NOTCH2: variants seen among roughly 807,000 people sequenced by gnomAD.
NOTCH2 encodes notch receptor 2.
A neutral mutation model predicts 235.8 loss-of-function variants in NOTCH2; 29 were observed. That is an observed-to-expected ratio of 0.12 (90% CI 0.09 to 0.17). The LOEUF is 0.17. Ranked by LOEUF, NOTCH2 falls within the 10% of genes least tolerant of loss-of-function variation. The pLI, the probability that NOTCH2 is intolerant of heterozygous loss-of-function variation, is 1.00. For synonymous variants in NOTCH2, 1,086 were observed against 1,141.5 expected (o/e 0.95, Z 0.98); for missense variants, 2,285 against 3,150.2 (o/e 0.73, Z 6.57).
intron 22 of NOTCH2, among the ~76,000 whole-genome samples, chr1:119,933,033 A>G (rs1649723274): frequency 6.6e-6 from 1 of 152,254 alleles, no homozygotes; most frequent in Non-Finnish European, 1.5e-5. Flanking sequence ...CAAAAAAGTA[A>G]AAACAAACAA....
rs781839292 is a variant in NOTCH2, at chr1:119,940,635, G to C, written c.3103C>G (p.Leu1035Val). Reference sequence around the variant, plus strand: ...CCATCAACACACGTTCCCTCATTCAGGCATGGATGAGAGCTGCATTCATTG... The same window carrying C: ...CCATCAACACACGTTCCCTCATTCACGCATGGATGAGAGCTGCATTCATTG... ...EINECSSHPC[L>V]NEGTCVDGLG... The change falls in exon 19 of 34, where the codon CTG becomes GTG. Residue 1035 changes from leucine (L) to valine (V), a missense_variant. Leu to Val is a conservative substitution (Grantham distance 32, BLOSUM62 1). Transcript: ENST00000256646. 9.9e-6 allele frequency: 16 copies of C among 1,613,930 alleles called. No individual in the cohort carries two copies. Among genetic ancestry groups the C allele is most frequent in the Non-Finnish European group, 1.2e-5 (14 of 1,179,952 alleles).
At position 119,921,771 on chromosome 1, in the gene NOTCH2, C is replaced by T. The variant is rs923129064; in HGVS notation, c.5252G>A (p.Gly1751Asp). 1.2e-5 allele frequency: 19 copies of T among 1,614,004 alleles called. No homozygotes were observed. In the African/African-American group the frequency reaches 1.3e-4, roughly 11 times the overall value. ...SVQVSEANLIGTGTSEHWVDD... is the reference protein window; with the variant it reads ...SVQVSEANLIDTGTSEHWVDD... ...GACCCAGTGTTCACTTGTTCCAGTA[C>T]CAATTAGGTTAGCTTCTGAGACTTG... The change falls in exon 29 of 34, where the codon GGT becomes GAT. Residue 1751 changes from glycine to aspartate, a missense_variant. Around this residue, in one of 6 missense-constraint regions of NOTCH2, gnomAD observed 1,173 missense variants for 1,515.3 expected, o/e 0.77. Coordinates refer to ENST00000256646, the MANE Select transcript of NOTCH2 (RefSeq NM_024408.4).
chr1:119,986,786 G>A (rs1553202268), intron 5 of NOTCH2, among the ~76,000 whole-genome samples, 174 bp downstream of exon 5: 1 of 152,084 alleles, frequency 6.6e-6, no homozygotes, highest in African/African-American at 2.4e-5. Flanking sequence ...GTGAACATAG[G>A]AAAATGTATG....
chr1:119,942,955 C>T (rs1553196649), intron 17 of NOTCH2, among the ~76,000 whole-genome samples: 1 of 150,938 alleles, frequency 6.6e-6, no homozygotes, highest in East Asian at 1.9e-4. Context: ...TCACTGCAAC[C>T]TCCGCCTCCC....
rs189452733 is a variant in NOTCH2 at position 119,984,760 on chromosome 1, C to G, written c.874+2200G>C. Among the ~76,000 whole-genome samples, 110 of 152,306 alleles carry G rather than the reference C, an allele frequency of 7.2e-4. 1 individual carries two copies. Among genetic ancestry groups the G allele is most frequent in the African/African-American group, 2.5e-3 (104 of 41,560 alleles). On this transcript the variant is annotated intron_variant, in intron 5 of 33. Coordinates refer to ENST00000256646, the MANE Select transcript of NOTCH2 (RefSeq NM_024408.4). ...CAATAGTCCAACCGCCCCCATAACT[C>G]GGTACATCCCTCACATCAAGCATAT... is the stretch of plus-strand genomic sequence containing the variant.
intron 22 of NOTCH2, among the ~76,000 whole-genome samples, chr1:119,930,580 A>T (rs1046436496): frequency 5.7e-4 from 86 of 151,174 alleles, no homozygotes; most frequent in African/African-American, 1.9e-3. Context: ...GGAGTTCAAG[A>T]CCAATCTGCC....
chr1:119,982,935 T>C (rs1396908970), intron 5 of NOTCH2, among the ~76,000 whole-genome samples: 1 of 152,214 alleles, frequency 6.6e-6, no homozygotes, highest in Non-Finnish European at 1.5e-5. Flanking sequence ...CTAGAACAGA[T>C]GCTTCTACAA....
chr1:119,915,352 G>C lies in NOTCH2; in HGVS notation c.7370C>G (p.Thr2457Arg). Residue 2457 changes from threonine to arginine, a missense_variant, in exon 34 of 34, where the codon ACA becomes AGA. Physicochemically the swap from Thr to Arg is moderately conservative, Grantham distance 71. Coordinates refer to ENST00000256646, the MANE Select transcript of NOTCH2 (RefSeq NM_024408.4). ...GAGGGQRGPG[T>R]HMSEPPHNNM... is the part of the protein sequence containing the mutation. ...GTTGTGTGGTGGCTCAGACATGTGT[G>C]TCCCAGGTCCCCGCTGACCTCCTCC... 6.2e-7 allele frequency: 1 copy of C among 1,614,050 alleles called. No homozygotes were observed. Among genetic ancestry groups the C allele is most frequent in the Non-Finnish European group, 8.5e-7 (1 of 1,180,022 alleles).
chr1:119,967,366 G>A, intron 8 of NOTCH2, 67 bp downstream of exon 8: 4 of 1,353,426 alleles, frequency 3.0e-6, no homozygotes, highest in Non-Finnish European at 4.2e-6. Context: ...TATACTGAAT[G>A]CTCTACCAAG....
intron 3 of NOTCH2, among the ~76,000 whole-genome samples, chr1:120,003,748 T>TA (rs772219009): frequency 1.3e-5 from 2 of 151,726 alleles, no homozygotes; most frequent in East Asian, 3.9e-4. Flanking sequence ...TAATAAAACT[T>TA]AGAGACCATT....
At chr1:119,977,624 T>C (rs1164807236) in intron 5 of NOTCH2, among the ~76,000 whole-genome samples, 1 of 152,210 alleles carries the variant, frequency 6.6e-6, no homozygotes, top group Non-Finnish European at 1.5e-5. Context: ...AGTAAAAACA[T>C]ATGCACTGAG....
intron 10 of NOTCH2, among the ~76,000 whole-genome samples, chr1:119,964,035 C>T (rs992780482): frequency 1.3e-4 from 20 of 152,312 alleles, no homozygotes; most frequent in South Asian, 4.1e-4. Flanking sequence ...GAAATACCTT[C>T]GCAACTGATC....
At position 119,940,633 on chromosome 1, in the gene NOTCH2, C is replaced by T. The variant is rs2101103792; in HGVS notation, c.3105G>A (p.Leu1035=). ...GGCCATCAACACACGTTCCCTCATT[C>T]AGGCATGGATGAGAGCTGCATTCAT... is the stretch of plus-strand genomic sequence containing the variant. ...EINECSSHPC[L]NEGTCVDGLG... is the part of the protein sequence containing the mutation. The change falls in exon 19 of 34, where the codon CTG becomes CTA. Residue 1035 remains leucine, a synonymous_variant. Coordinates refer to ENST00000256646, the MANE Select transcript of NOTCH2 (RefSeq NM_024408.4). 2 of 1,614,114 alleles carry T rather than the reference C, an allele frequency of 1.2e-6. No individual in the cohort carries two copies. The highest frequency in any genetic ancestry group is 1.7e-6 in the Non-Finnish European group (2 of 1,179,996).
At chr1:119,999,105 T>C (rs12140177) in intron 3 of NOTCH2, among the ~76,000 whole-genome samples, 2 of 138,022 alleles carry the variant, frequency 1.4e-5, no homozygotes, top group African/African-American at 2.8e-5. Context: ...GACATTTGGG[T>C]TGGTTCCAAG....
At chr1:119,947,522 A>AT (rs1449454669) in intron 17 of NOTCH2, among the ~76,000 whole-genome samples, 1 of 152,216 alleles carries the variant, frequency 6.6e-6, no homozygotes, top group African/African-American at 2.4e-5. Context: ...GTTTGTGAGC[A>AT]TATGGTTCAA....
In NOTCH2 at chr1:119,996,628, A is replaced by C. The variant is rs782748419; in HGVS notation, c.751+369T>G. The stretch of plus-strand genomic sequence containing the variant: ...CTACTGTTAATGTCAATTCAGTTTA[A>C]AGCACTTTATTAACCACACATACAT... On this transcript the variant is annotated intron_variant, in intron 4 of 33. Coordinates refer to ENST00000256646, the MANE Select transcript of NOTCH2 (RefSeq NM_024408.4). 3 of 825,338 alleles carry C rather than the reference A, an allele frequency of 3.6e-6. No individual in the cohort carries two copies. In the South Asian group the frequency reaches 4.1e-5, roughly 11 times the overall value. 51.1% of individuals were successfully genotyped at this position (825,338 alleles called of 1,614,324 possible).
rs1553196320 is a variant in NOTCH2 at position 119,940,579 on chromosome 1, C to T, written c.3159G>A (p.Leu1053=). The T allele has an allele frequency of 1.9e-6, 3 of 1,613,884 alleles. No homozygotes were observed. Among genetic ancestry groups the T allele is most frequent in the East Asian group, 4.5e-5 (2 of 44,892 alleles). Residue 1053 remains leucine (L), a synonymous_variant, in exon 19 of 34, where the codon CTG becomes CTA. Transcript: ENST00000256646. ...CCTGACAGTTTTTCCCAGTGTAGCCCAGGGGGCAGCTGCAGCGGTAGGTAC... is the reference window on the plus strand; with the variant it reads ...CCTGACAGTTTTTCCCAGTGTAGCCTAGGGGGCAGCTGCAGCGGTAGGTAC... ...GLGTYRCSCP[L]GYTGKNCQTL...
chr1:120,001,058 G>T (rs1289675481), intron 3 of NOTCH2, among the ~76,000 whole-genome samples: 1 of 152,080 alleles, frequency 6.6e-6, no homozygotes, highest in Non-Finnish European at 1.5e-5. Flanking sequence ...GTTTCTCAGG[G>T]TTTCTGCTTT....
chr1:119,968,407 A>C (rs758230611), intron 6 of NOTCH2, among the ~76,000 whole-genome samples, 175 bp from the exon 7 acceptor site: 29 of 152,206 alleles, frequency 1.9e-4, no homozygotes, highest in Non-Finnish European at 3.2e-4. Flanking sequence ...CTTGGCCACC[A>C]GCAAAGCACC....
Sources: gnomAD v4.1 joint callset for allele counts (sites outside exome capture counted in the v4.1 genomes callset) on GRCh38, gnomAD v4.1.1 for gene constraint, gnomAD v4.1.1 regional missense constraint, MANE v1.5 for transcripts, NCBI Gene and HGNC (gene_info 2026-07-23, HGNC 2026-07-21) for gene names.